INPP5D: variants seen among roughly 807,000 people sequenced by gnomAD.
The protein encoded by INPP5D is inositol polyphosphate-5-phosphatase D, also known as phosphatidylinositol 3,4,5-trisphosphate 5-phosphatase 1.
A neutral mutation model predicts 122.9 loss-of-function variants in INPP5D; 33 were observed. The ratio of observed to expected loss-of-function variants is 0.27; its 90% CI spans 0.20 to 0.36. INPP5D has a LOEUF of 0.36. Ranked by LOEUF, INPP5D falls within the 10% of genes least tolerant of loss-of-function variation. The probability of loss-of-function intolerance (pLI) is 1.00; values close to 1 mark genes in which losing one functional copy is unlikely to be tolerated. For synonymous variants in INPP5D, 584 were observed against 576.2 expected (o/e 1.01, Z -0.19); for missense variants, 1,053 against 1,412.7 (o/e 0.75, Z 4.08).
At chr2:233,077,911 A>G (rs769420687) in intron 1 of INPP5D, among the ~76,000 whole-genome samples, 37 of 152,140 alleles carry the variant, frequency 2.4e-4, no homozygotes, top group Non-Finnish European at 4.9e-4. Flanking sequence ...TAACATATGT[A>G]AATGCTCAGT....
chr2:233,108,872 G>A (rs1559295818), intron 2 of INPP5D, among the ~76,000 whole-genome samples: 1 of 152,302 alleles, frequency 6.6e-6, no homozygotes, highest in Non-Finnish European at 1.5e-5. Flanking sequence ...TCTGTGCCAG[G>A]CACTAAAGCT....
At chr2:233,158,199 C>T (rs1044348230) in intron 9 of INPP5D, 114 bp from the exon 10 acceptor site, 21 of 598,612 alleles carry the variant, frequency 3.5e-5, no homozygotes, top group African/African-American at 1.7e-4. Context: ...GACACAAACT[C>T]GGGGCTCAGC....
At chr2:233,062,736 C>T (rs925446331) in intron 1 of INPP5D, among the ~76,000 whole-genome samples, 4 of 152,136 alleles carry the variant, frequency 2.6e-5, no homozygotes, top group African/African-American at 9.7e-5. Context: ...GTTTCCCTTT[C>T]TCCTCTGCTC....
intron 19 of INPP5D, among the ~76,000 whole-genome samples, chr2:233,184,135 A>G (rs1273463310): frequency 1.3e-5 from 2 of 152,168 alleles, no homozygotes; most frequent in Middle Eastern, 3.2e-3. Context: ...GAGGTCACAC[A>G]GCTTTAGTGA....
intron 1 of INPP5D, among the ~76,000 whole-genome samples, chr2:233,070,490 G>T (rs1691348506): frequency 6.6e-6 from 1 of 151,752 alleles, no homozygotes; most frequent in Non-Finnish European, 1.5e-5. Flanking sequence ...ACCCAGGCTG[G>T]AGTGCAATGG....
intron 24 of INPP5D, 95 bp downstream of exon 24, chr2:233,195,590 T>C: frequency 6.4e-7 from 1 of 1,565,970 alleles, no homozygotes; most frequent in Non-Finnish European, 8.6e-7. Context: ...TTCACGCCCA[T>C]AATCCCGGCA....
chr2:233,182,695 C>G (rs1481190800), intron 19 of INPP5D, among the ~76,000 whole-genome samples, 196 bp downstream of exon 19: 1 of 151,644 alleles, frequency 6.6e-6, no homozygotes. Flanking sequence ...CTCTGCTTGG[C>G]AAGTATGTCA....
At chr2:233,130,432 T>C (rs1401480260) in intron 4 of INPP5D, 76 bp from the exon 5 acceptor site, 18 of 1,477,634 alleles carry the variant, frequency 1.2e-5, no homozygotes, top group Non-Finnish European at 1.7e-5. Flanking sequence ...TTTGTTATTG[T>C]GGTTGCTGTT....
chr2:233,191,403 G>A (rs2106321273), intron 22 of INPP5D, among the ~76,000 whole-genome samples: 1 of 152,336 alleles, frequency 6.6e-6, no homozygotes, highest in East Asian at 1.9e-4. Flanking sequence ...AATTCAAGAA[G>A]AGATTTGGGT....
rs1694289080 is a variant in INPP5D, at chr2:233,164,901, G to A, written c.1555+477G>A. Reference sequence around the variant, plus strand: ...GGCAACCCAGAAAGCGAATGGGAGTGACTGTGTTACCAGTGAGACCTTCCT... The same window carrying A: ...GGCAACCCAGAAAGCGAATGGGAGTAACTGTGTTACCAGTGAGACCTTCCT... On this transcript the variant is annotated intron_variant, in intron 13 of 26. Transcript: ENST00000445964. This position sits in a 1 kb window ranked among gnomAD's most constrained non-coding sequence, Gnocchi z 4.3. Among the ~76,000 whole-genome samples the A allele has an allele frequency of 7.0e-6, 1 of 142,512 alleles. No homozygotes were observed. The highest frequency in any genetic ancestry group is 6.9e-5 in the Admixed American group (1 of 14,460). The allele number at this position is 142,512 out of a possible 152,430, so 93.5% of individuals were successfully genotyped here.
intron 22 of INPP5D, among the ~76,000 whole-genome samples, chr2:233,190,624 TGTGGAGGCCCACAGCCAGAGAGACAGCA>T (rs1695031216): frequency 1.3e-5 from 2 of 152,216 alleles, no homozygotes; most frequent in Non-Finnish European, 2.9e-5. Flanking sequence ...CCAGGCAGGC[TGTGGAGGCCCACAGCCAGAGAGACAGCA>T]GGGGCTTTTG....
At chr2:233,071,217 A>G (rs1056963252) in intron 1 of INPP5D, among the ~76,000 whole-genome samples, 29 of 152,098 alleles carry the variant, frequency 1.9e-4, no homozygotes, top group Non-Finnish European at 1.5e-4. Context: ...AGAACCCAGG[A>G]GGCAGAGGTT....
intron 2 of INPP5D, among the ~76,000 whole-genome samples, chr2:233,093,095 G>A (rs1455174247): frequency 6.6e-6 from 1 of 152,238 alleles, no homozygotes; most frequent in Non-Finnish European, 1.5e-5. Flanking sequence ...TGTGAAGTCA[G>A]GGTCTCCTTC....
At chr2:233,157,039 T>C (rs1257574280) in intron 9 of INPP5D, among the ~76,000 whole-genome samples, 2 of 152,286 alleles carry the variant, frequency 1.3e-5, no homozygotes, top group East Asian at 3.9e-4. Context: ...TGGAACAAGG[T>C]TCCAGAGTCC....
chr2:233,137,873 T>A lies in INPP5D; in HGVS notation c.666-1969T>A, dbSNP rs1292589080. Among the ~76,000 whole-genome samples the A allele has an allele frequency of 7.2e-4, 31 of 43,188 alleles. 3 individuals carry two copies. The highest frequency in any genetic ancestry group is 9.9e-4 in the Non-Finnish European group (16 of 16,118). The allele number at this position is 43,188 out of a possible 152,430, so 28.3% of individuals were successfully genotyped here. A position where few individuals can be genotyped will look rare whatever the true frequency, so the allele number is the denominator to read the frequency against. On this transcript the variant is annotated intron_variant, in intron 5 of 26. Transcript: ENST00000445964. ...AAAAAAATATATATATATATATATA[T>A]ATATATATATATATATATATATATA...
Position 233,122,094 on chromosome 2 carries a change from G to A in INPP5D, c.199-13G>A, listed in dbSNP as rs775955610. 2.0e-5 allele frequency: 33 copies of A among 1,613,460 alleles called. No individual in the cohort carries two copies. The highest frequency in any genetic ancestry group is 2.7e-5 in the Non-Finnish European group (32 of 1,179,618). On this transcript the variant is annotated splice_polypyrimidine_tract_variant and intron_variant, in intron 2 of 26. Transcript: ENST00000445964. ...GGTTAACATGTGCGTTTGTTTGGAT[G>A]TTCTGTCCTCAGGCATCCGAAGGCG...
intron 2 of INPP5D, among the ~76,000 whole-genome samples, chr2:233,116,619 C>T (rs936112545): frequency 2.1e-5 from 3 of 145,224 alleles, no homozygotes; most frequent in African/African-American, 7.7e-5. Context: ...TTCTTTGAGA[C>T]AGAGTCTCAC....
rs570704721 is a variant in INPP5D, at chr2:233,191,233, T to C, written c.2446+1296T>C. ...GGCAGGAAGGAGAAGTGGGTGCCCA[T>C]TGATAGGGGAAGCTCCTTATAAAAC... On this transcript the variant is annotated intron_variant, in intron 22 of 26. Coordinates refer to ENST00000445964, the MANE Select transcript of INPP5D (RefSeq NM_001017915.3). Among the ~76,000 whole-genome samples, 7 of 152,258 alleles carry C rather than the reference T, an allele frequency of 4.6e-5. 1 individual carries two copies. Among genetic ancestry groups the C allele is most frequent in the African/African-American group, 1.7e-4 (7 of 41,556 alleles).
In INPP5D at chr2:233,157,317, C is replaced by CCAGAGA. The variant is rs1376693113; in HGVS notation, c.1031-996_1031-995insCAGAGA. Among the ~76,000 whole-genome samples the CCAGAGA allele has an allele frequency of 1.3e-4, 20 of 152,230 alleles. 1 individual carries two copies. The highest frequency in any genetic ancestry group is 4.6e-4 in the African/African-American group (19 of 41,538). On this transcript the variant is annotated intron_variant, in intron 9 of 26. Coordinates refer to ENST00000445964, the MANE Select transcript of INPP5D (RefSeq NM_001017915.3). Reference sequence around the variant, plus strand: ...GCTGTGCCTCGGCCCTTGAAGTCACCAGTCCAGAGAAGACCCAGAAGCTCT... The same window carrying CCAGAGA: ...GCTGTGCCTCGGCCCTTGAAGTCACCCAGAGAAGTCCAGAGAAGACCCAGAAGCTCT...
Sources: allele counts gnomAD v4.1 joint callset (sites outside exome capture counted in the v4.1 genomes callset), GRCh38; gene constraint gnomAD v4.1.1; non-coding constraint Gnocchi (gnomAD v3.1); transcripts MANE v1.5; gene names NCBI Gene and HGNC (gene_info 2026-07-23, HGNC 2026-07-21).